KLF12: variants seen among roughly 807,000 people sequenced by gnomAD.
The protein encoded by KLF12 is KLF transcription factor 12.
Under a neutral mutation model 37.8 loss-of-function variants are expected in KLF12, and 9 were observed. The observed-to-expected ratio is 0.24, with a 90% CI of 0.14 to 0.42. The LOEUF (loss-of-function observed/expected upper bound fraction) is 0.42. KLF12 is among the 10% of genes least tolerant of loss of function. The pLI is 1.00. For missense variants in KLF12, 411 were observed against 516.0 expected (o/e 0.80, Z 1.97); for synonymous variants, 208 against 202.1 (o/e 1.03, Z -0.25).
chr13:74,073,688 A>T (rs1874405856), intron 1 of KLF12, among the ~76,000 whole-genome samples: 1 of 152,216 alleles, frequency 6.6e-6, no homozygotes, highest in African/African-American at 2.4e-5. Flanking sequence ...AAATGGAATA[A>T]GGAGTCAAAT....
At chr13:74,217,716 G>C in the KLF12 span, among the ~76,000 whole-genome samples, 1 of 152,208 alleles carries the variant, frequency 6.6e-6, no homozygotes, top group Non-Finnish European at 1.5e-5. Flanking sequence ...GACAGAGTGA[G>C]ACTCCGTCTC....
chr13:74,060,486 G>GTGTGTGTGTGTGTGTGTGTGTGTC (rs1566523418), intron 1 of KLF12, among the ~76,000 whole-genome samples: 5 of 82,848 alleles, frequency 6.0e-5, no homozygotes, highest in African/African-American at 2.0e-4. Flanking sequence ...CCTAGGTTTT[G>GTGTGTGTGTGTGTGTGTGTGTGTC]TGTGTGTGTG....
intron 1 of KLF12, among the ~76,000 whole-genome samples, chr13:74,053,430 A>G (rs545514899): frequency 6.6e-6 from 1 of 152,252 alleles, no homozygotes; most frequent in African/African-American, 2.4e-5. Context: ...CACTGTCCTA[A>G]GTCCTTCCCA....
intron 3 of KLF12, among the ~76,000 whole-genome samples, chr13:73,937,636 G>C (rs986628184): frequency 2.6e-5 from 4 of 152,176 alleles, no homozygotes; most frequent in African/African-American, 9.7e-5. Flanking sequence ...TAAGTTGAAA[G>C]AGAAAGTACA....
the KLF12 span, among the ~76,000 whole-genome samples, chr13:74,187,430 C>T: frequency 7.2e-5 from 11 of 152,192 alleles, no homozygotes; most frequent in South Asian, 2.1e-4. Flanking sequence ...CGTTTGTAAC[C>T]GGGGATAACC....
chr13:74,081,656 T>C (rs1342693325), intron 1 of KLF12, among the ~76,000 whole-genome samples: 1 of 152,198 alleles, frequency 6.6e-6, no homozygotes. Flanking sequence ...TTATGATCCA[T>C]GCTCAATAAA....
chr13:73,952,474 T>A (rs1351727572), intron 2 of KLF12, among the ~76,000 whole-genome samples: 1 of 152,196 alleles, frequency 6.6e-6, no homozygotes, highest in Non-Finnish European at 1.5e-5. Flanking sequence ...CATTAGAAAC[T>A]GCCCCCATGA....
chr13:74,280,006 A>G, the KLF12 span, among the ~76,000 whole-genome samples: 1 of 152,188 alleles, frequency 6.6e-6, no homozygotes, highest in Non-Finnish European at 1.5e-5. Context: ...TGGGACAAGG[A>G]AGAGATTTTA....
Position 74,081,929 on chromosome 13 carries a change from C to T in KLF12, c.-32+51810G>A, listed in dbSNP as rs181138563. ...AAAATGAAAAATGTCTGTACATGCC[C>T]ATTAGCTTGTAAAAGAGCCAATGTA... On this transcript the variant is annotated intron_variant, in intron 1 of 7. Coordinates refer to ENST00000377669, the MANE Select transcript of KLF12 (RefSeq NM_007249.5). Among the ~76,000 whole-genome samples the T allele has an allele frequency of 3.3e-5, 5 of 152,144 alleles. No homozygotes were observed. The East Asian group carries it at 5.8e-4, about 18-fold the overall frequency.
At chr13:73,720,513 C>T (rs1594004771) in intron 6 of KLF12, among the ~76,000 whole-genome samples, 2 of 152,184 alleles carry the variant, frequency 1.3e-5, no homozygotes, top group Non-Finnish European at 2.9e-5. Flanking sequence ...TCTGTACAGC[C>T]CCAAAGAATA....
chr13:73,732,005 T>G (rs1877091804), intron 6 of KLF12, among the ~76,000 whole-genome samples: 1 of 152,156 alleles, frequency 6.6e-6, no homozygotes, highest in African/African-American at 2.4e-5. Context: ...TAAAATACTT[T>G]GCGTAAGGAG....
intron 1 of KLF12, among the ~76,000 whole-genome samples, chr13:74,001,529 C>T (rs1892282211): frequency 6.6e-6 from 1 of 152,102 alleles, no homozygotes; most frequent in African/African-American, 2.4e-5. Flanking sequence ...ATGACACAAT[C>T]AAGAAAAAAT....
chr13:74,088,228 C>T (rs923049619), intron 1 of KLF12, among the ~76,000 whole-genome samples: 3 of 152,010 alleles, frequency 2.0e-5, no homozygotes, highest in East Asian at 1.9e-4. Context: ...AGGAATTTAA[C>T]CCACCATAGA....
intron 4 of KLF12, 129 bp downstream of exon 4, chr13:73,845,698 G>A: frequency 1.4e-6 from 1 of 731,800 alleles, no homozygotes; most frequent in South Asian, 1.9e-5. Context: ...TGAACAGCTG[G>A]TGTCTCCACG....
At chr13:73,951,857 A>G (rs2139412373) in intron 2 of KLF12, among the ~76,000 whole-genome samples, 1 of 152,378 alleles carries the variant, frequency 6.6e-6, no homozygotes, top group East Asian at 1.9e-4. Flanking sequence ...CCATTACACT[A>G]GAACATAAGT....
intron 3 of KLF12, among the ~76,000 whole-genome samples, chr13:73,896,115 T>C (rs1013785774): frequency 6.6e-6 from 1 of 152,166 alleles, no homozygotes; most frequent in African/African-American, 2.4e-5. Context: ...CAGAATTCTA[T>C]AAATGGGAAG....
At chr13:74,006,489 TATGTATCAGTGA>T (rs1300948696) in intron 1 of KLF12, among the ~76,000 whole-genome samples, 1 of 152,198 alleles carries the variant, frequency 6.6e-6, no homozygotes, top group Non-Finnish European at 1.5e-5. Flanking sequence ...TGTCCACATA[TATGTATCAGTGA>T]ACAAATCAAA....
chr13:73,723,872 C>T (rs989836166), intron 6 of KLF12, among the ~76,000 whole-genome samples: 28 of 151,968 alleles, frequency 1.8e-4, no homozygotes, highest in African/African-American at 6.0e-4. Context: ...GTTGGAATGG[C>T]GATCATTAAA....
At chr13:73,974,000 A>G (rs1426888016) in intron 2 of KLF12, among the ~76,000 whole-genome samples, 1 of 152,146 alleles carries the variant, frequency 6.6e-6, no homozygotes, top group Non-Finnish European at 1.5e-5. Flanking sequence ...AGACATGACT[A>G]AAAATAAAGG....
Sources: allele counts gnomAD v4.1 joint callset (sites outside exome capture counted in the v4.1 genomes callset), GRCh38; gene constraint gnomAD v4.1.1; transcripts MANE v1.5; gene names NCBI Gene and HGNC (gene_info 2026-07-23, HGNC 2026-07-21).